SLC35D4: variants seen among roughly 807,000 people sequenced by gnomAD.
The protein encoded by SLC35D4 is UDP-N-acetylglucosamine transporter SLC35D4.
chr18:23,346,309 T>G, the SLC35D4 span, among the ~76,000 whole-genome samples: 1 of 152,114 alleles, frequency 6.6e-6, no homozygotes, highest in Admixed American at 6.5e-5. Context: ...ACTTTTCTTA[T>G]TTTTTGTAGA....
At chr18:23,265,830 C>A in the SLC35D4 span, among the ~76,000 whole-genome samples, 2 of 151,810 alleles carry the variant, frequency 1.3e-5, no homozygotes, top group Non-Finnish European at 2.9e-5. Flanking sequence ...TTTTAAAAAT[C>A]GTGGCTTCCA....
At chr18:23,256,914 T>G in the SLC35D4 span, among the ~76,000 whole-genome samples, 2 of 152,262 alleles carry the variant, frequency 1.3e-5, no homozygotes, top group African/African-American at 4.8e-5. Context: ...CTCTGACTTC[T>G]TGGAGCCCGT....
At chr18:23,407,620 T>C in the SLC35D4 span, among the ~76,000 whole-genome samples, 16 of 151,874 alleles carry the variant, frequency 1.1e-4, no homozygotes, top group Non-Finnish European at 8.8e-5. Context: ...CCAACAAACA[T>C]ATGAAAAATT....
At chr18:23,385,546 G>A in the SLC35D4 span, among the ~76,000 whole-genome samples, 2 of 152,252 alleles carry the variant, frequency 1.3e-5, no homozygotes, top group Non-Finnish European at 2.9e-5. Flanking sequence ...GGCCCAGGCA[G>A]AGGGGCACAC....
the SLC35D4 span, among the ~76,000 whole-genome samples, chr18:23,374,280 C>T: frequency 1.3e-5 from 2 of 152,136 alleles, no homozygotes; most frequent in Admixed American, 6.5e-5. Context: ...ATATAAAGCT[C>T]GGAAGGACAC....
chr18:23,352,251 T>C, the SLC35D4 span: 4 of 1,612,132 alleles, frequency 2.5e-6, no homozygotes, highest in Middle Eastern at 3.3e-4. Context: ...GTTTTTTAGC[T>C]TCACTGTACT....
the SLC35D4 span, among the ~76,000 whole-genome samples, chr18:23,270,991 C>T: frequency 1.3e-5 from 2 of 152,078 alleles, no homozygotes; most frequent in Admixed American, 6.6e-5. Context: ...TGGGAGGGGC[C>T]GGGGTGGAAT....
chr18:23,429,371 T>C, the SLC35D4 span, among the ~76,000 whole-genome samples: 4 of 152,154 alleles, frequency 2.6e-5, no homozygotes, highest in Non-Finnish European at 5.9e-5. Flanking sequence ...TTTGCCTTTT[T>C]TTTAGACGGA....
the SLC35D4 span, among the ~76,000 whole-genome samples, chr18:23,241,052 C>T: frequency 6.0e-4 from 91 of 152,338 alleles, no homozygotes; most frequent in African/African-American, 2.0e-3. Context: ...CTTCCCATCC[C>T]CTTCCTGCAA....
At chr18:23,425,383 G>A in the SLC35D4 span, among the ~76,000 whole-genome samples, 9 of 152,312 alleles carry the variant, frequency 5.9e-5, no homozygotes, top group South Asian at 4.1e-4. Context: ...TTACAGGTGT[G>A]AGCCACTGTG....
chr18:23,392,730 G>A, the SLC35D4 span, among the ~76,000 whole-genome samples: 1 of 152,184 alleles, frequency 6.6e-6, no homozygotes, highest in Non-Finnish European at 1.5e-5. Flanking sequence ...GGACTTGCCT[G>A]CTCTCAGGGA....
the SLC35D4 span, among the ~76,000 whole-genome samples, chr18:23,268,081 GAGC>G: frequency 6.6e-6 from 1 of 152,208 alleles, no homozygotes; most frequent in African/African-American, 2.4e-5. Context: ...CCAGAAAAGA[GAGC>G]AGGCCTTTTA....
the SLC35D4 span, among the ~76,000 whole-genome samples, chr18:23,348,562 A>C: frequency 4.6e-5 from 7 of 152,214 alleles, no homozygotes; most frequent in African/African-American, 1.7e-4. Flanking sequence ...TAATGCATTA[A>C]CACTTTTATC....
chr18:23,383,896 G>T, the SLC35D4 span, among the ~76,000 whole-genome samples: 2 of 151,668 alleles, frequency 1.3e-5, no homozygotes, highest in African/African-American at 2.4e-5. Flanking sequence ...CAGGATGATG[G>T]GGGGAGATCG....
chr18:23,243,433 G>C, the SLC35D4 span, among the ~76,000 whole-genome samples: 1,223 of 151,332 alleles, frequency 8.1e-3, 12 homozygotes, highest in African/African-American at 0.028. Flanking sequence ...TGTGCTGTGT[G>C]GGGGAGGGAG....
At chr18:23,297,718 A>G in the SLC35D4 span, 3 of 364,974 alleles carry the variant, frequency 8.2e-6, no homozygotes, top group Non-Finnish European at 1.6e-5. Flanking sequence ...AACCAGCTAC[A>G]GCACGGTTGA....
At chr18:23,254,057 G>T in the SLC35D4 span, 1 of 784,270 alleles carries the variant, frequency 1.3e-6, no homozygotes, top group Admixed American at 2.2e-5. Context: ...AGCAATTGAG[G>T]TGAAGGCTAT....
the SLC35D4 span, chr18:23,296,386 A>G: frequency 1.3e-5 from 2 of 152,098 alleles, no homozygotes; most frequent in African/African-American, 4.8e-5. Context: ...GCTCACTGCA[A>G]CCTCCGCCTC....
At chr18:23,264,230 T>G in the SLC35D4 span, among the ~76,000 whole-genome samples, 1 of 152,114 alleles carries the variant, frequency 6.6e-6, no homozygotes, top group African/African-American at 2.4e-5. Context: ...CAGGTGCCAG[T>G]GTCTGCTCAG....
Sources: allele counts gnomAD v4.1 joint callset (sites outside exome capture counted in the v4.1 genomes callset), GRCh38; gene constraint gnomAD v4.1.1; transcripts MANE v1.5; gene names NCBI Gene and HGNC (gene_info 2026-07-23, HGNC 2026-07-21).